CELF3: variants seen among roughly 807,000 people sequenced by gnomAD.
CELF3 encodes CAG repeat domain.
In CELF3, 26 loss-of-function variants were observed where a neutral mutation model predicts 59.6. That is an observed-to-expected ratio of 0.44 (90% CI 0.32 to 0.61). The LOEUF (loss-of-function observed/expected upper bound fraction) is 0.61. Ranked by LOEUF, CELF3 falls within the 20% of genes least tolerant of loss-of-function variation. The probability of loss-of-function intolerance (pLI) is 0.06; values close to 1 mark genes in which losing one functional copy is unlikely to be tolerated. For missense variants in CELF3, 387 were observed against 627.2 expected, an observed-to-expected ratio of 0.62 and a Z score of 4.09; for synonymous variants, 245 against 250.7, an observed-to-expected ratio of 0.98 and a Z score of 0.22.
rs549527035 is a variant in CELF3, at chr1:151,709,870, G to C, written c.229-79C>G. 9.5e-6 allele frequency: 13 copies of C among 1,374,736 alleles called. No individual in the cohort carries two copies. The East Asian group carries it at 1.8e-4, about 19-fold the overall frequency. 85.2% of individuals were successfully genotyped at this position (1,374,736 alleles called of 1,614,324 possible). A position where few individuals can be genotyped will look rare whatever the true frequency, so the allele number is the denominator to read the frequency against. ...GCCCTCCCAGGCCAGGCCCTGCAGA[G>C]AGACTAGAGGGGCAAGCCCCAGGCC... is the stretch of plus-strand genomic sequence containing the variant. On this transcript the variant is annotated intron_variant, in intron 2 of 12. Transcript: ENST00000290583. The surrounding 1 kb of genome is among the most constrained non-coding windows in gnomAD (Gnocchi z 4.9).
Position 151,707,629 on chromosome 1 carries a change from G to T in CELF3, c.650C>A (p.Ala217Asp). 6.2e-7 allele frequency: 1 copy of T among 1,606,542 alleles called. No individual in the cohort carries two copies. Residue 217 changes from alanine (A) to aspartate (D), a missense_variant, in exon 7 of 13, where the codon GCC becomes GAC. Transcript: ENST00000290583. The stretch of plus-strand genomic sequence containing the variant: ...GTAGGCACTGTGAGCCGCTACCAGG[G>T]CCGCCTGCTGCTGCATCAGCTGGGG... ...YTQALMQQQA[A>D]LVAAHSAYLS... is the part of the protein sequence containing the mutation.
intron 1 of CELF3, among the ~76,000 whole-genome samples, chr1:151,714,941 C>T (rs925933892): frequency 1.3e-5 from 2 of 151,840 alleles, no homozygotes; most frequent in Non-Finnish European, 2.9e-5. Flanking sequence ...GAGAGAAGGA[C>T]CATGTGACCG....
Position 151,703,020 on chromosome 1 carries a change from A to T in CELF3, c.*439T>A. 1 of 367,206 alleles carries T rather than the reference A, an allele frequency of 2.7e-6. No homozygotes were observed. Among genetic ancestry groups the T allele is most frequent in the Non-Finnish European group, 5.4e-6 (1 of 184,544 alleles). 22.7% of individuals were successfully genotyped at this position (367,206 alleles called of 1,614,324 possible). ...GAGAGCCAGCTTCCAAGAAACCCCT[A>T]ATGTGGGGAAGAGGCTGGGGTGAGG... On this transcript the variant is annotated 3_prime_UTR_variant, in exon 13 of 13. Transcript: ENST00000290583.
In CELF3 at chr1:151,709,575, G is replaced by C; in HGVS notation, c.277+168C>G. On this transcript the variant is annotated intron_variant, in intron 3 of 12. Coordinates refer to ENST00000290583, the MANE Select transcript of CELF3 (RefSeq NM_007185.7). This position sits in a 1 kb window ranked among gnomAD's most constrained non-coding sequence, Gnocchi z 4.9. ...GGCCTCAGTTTTGCCATCTGTACCCGCCCCAGATCTCACCCGCTCTGGCCA... is the reference window on the plus strand; with the variant it reads ...GGCCTCAGTTTTGCCATCTGTACCCCCCCCAGATCTCACCCGCTCTGGCCA... The C allele has an allele frequency of 1.1e-6, 1 of 919,946 alleles. No individual in the cohort carries two copies. Among genetic ancestry groups the C allele is most frequent in the South Asian group, 1.5e-5 (1 of 67,172 alleles). The allele number at this position is 919,946 out of a possible 1,614,324, so 57.0% of individuals were successfully genotyped here.
intron 12 of CELF3, 121 bp downstream of exon 12, chr1:151,704,910 A>C: frequency 9.0e-7 from 1 of 1,114,344 alleles, no homozygotes; most frequent in East Asian, 2.5e-5. Context: ...GCCCAGGGTC[A>C]AGGGTGGGGT....
At chr1:151,714,400 G>A (rs1036056908) in intron 2 of CELF3, 194 bp downstream of exon 2, 4 of 647,442 alleles carry the variant, frequency 6.2e-6, no homozygotes, top group Middle Eastern at 5.6e-4. Flanking sequence ...GCCACTAATC[G>A]CTGCTTTCCT....
chr1:151,704,879 C>G (rs935561338), intron 12 of CELF3, among the ~76,000 whole-genome samples, 152 bp downstream of exon 12: 1 of 152,070 alleles, frequency 6.6e-6, no homozygotes, highest in African/African-American at 2.4e-5. Flanking sequence ...GAGGGAGCTG[C>G]CCCAGCCCCC....
At chr1:151,711,983 A>T (rs1437510226) in intron 2 of CELF3, 1 of 152,274 alleles carries the variant, frequency 6.6e-6, no homozygotes, top group African/African-American at 2.4e-5. Context: ...GACCACAGCA[A>T]GGACCGTGCT....
chr1:151,713,385 C>T (rs1308852314), intron 2 of CELF3: 1 of 152,268 alleles, frequency 6.6e-6, no homozygotes, highest in Non-Finnish European at 1.5e-5. Flanking sequence ...GGGCTCATGC[C>T]CATCCCCAGG....
intron 5 of CELF3, chr1:151,708,363 A>G (rs1160811878): frequency 2.6e-5 from 5 of 192,870 alleles, no homozygotes; most frequent in Non-Finnish European, 5.4e-5. Flanking sequence ...AAATCTTAAT[A>G]CTAGTCTGAG....
Position 151,709,977 on chromosome 1 carries a change from G to A in CELF3, c.229-186C>T. The stretch of plus-strand genomic sequence containing the variant: ...CCTGAGGGGATCAGAGGCACAGAGA[G>A]AGAGGATGTAGAGGGAGAGGCTCAT... On this transcript the variant is annotated intron_variant, in intron 2 of 12. Transcript: ENST00000290583. The surrounding 1 kb of genome is among the most constrained non-coding windows in gnomAD (Gnocchi z 4.9). 1.6e-6 allele frequency: 1 copy of A among 641,568 alleles called. No individual in the cohort carries two copies. The highest frequency in any genetic ancestry group is 2.8e-6 in the Non-Finnish European group (1 of 355,702). 39.7% of individuals were successfully genotyped at this position (641,568 alleles called of 1,614,324 possible). A position where few individuals can be genotyped will look rare whatever the true frequency, so the allele number is the denominator to read the frequency against.
rs1330425872 is a variant in CELF3, at chr1:151,707,137, A to C, written c.922+8T>G. On this transcript the variant is annotated splice_region_variant and intron_variant, in intron 8 of 12. Transcript: ENST00000290583. ...GCTGGGACGGAGTGGGCAGGCAGAG[A>C]GTCCCACCTGGGTAGGGGTGAACCC... 6.8e-7 allele frequency: 1 copy of C among 1,476,564 alleles called. No individual in the cohort carries two copies. The highest frequency in any genetic ancestry group is 9.0e-7 in the Non-Finnish European group (1 of 1,116,578). 91.5% of individuals were successfully genotyped at this position (1,476,564 alleles called of 1,614,324 possible).
intron 9 of CELF3, 142 bp from the exon 10 acceptor site, chr1:151,706,503 C>A: frequency 8.5e-7 from 1 of 1,174,776 alleles, no homozygotes; most frequent in South Asian, 1.5e-5. Flanking sequence ...TGCCTCAGAC[C>A]CCTGGGTGTG....
At chr1:151,710,490 G>T in intron 2 of CELF3, 1 of 353,418 alleles carries the variant, frequency 2.8e-6, no homozygotes, top group Non-Finnish European at 5.7e-6. Flanking sequence ...TGGTTAACAG[G>T]GTATGCTGGG....
chr1:151,707,577 G>A lies in CELF3; in HGVS notation c.702C>T (p.Ala234=), dbSNP rs772729552. ...AYLSPMATMA[A]VQMQHMAAIN... ...TGGCAGCCATGTGCTGCATCTGCACGGCAGCCATGGTGGCCATGGGGCTGA... is the reference window on the plus strand; with the variant it reads ...TGGCAGCCATGTGCTGCATCTGCACAGCAGCCATGGTGGCCATGGGGCTGA... Residue 234 remains alanine (A), a synonymous_variant, in exon 7 of 13, where the codon GCC becomes GCT. Transcript: ENST00000290583. 27 of 1,609,384 alleles carry A rather than the reference G, an allele frequency of 1.7e-5. No homozygotes were observed. Among genetic ancestry groups the A allele is most frequent in the East Asian group, 4.5e-5 (2 of 44,798 alleles).
chr1:151,708,119 GC>G, intron 5 of CELF3, 184 bp from the exon 6 acceptor site: 1 of 604,782 alleles, frequency 1.7e-6, no homozygotes. Flanking sequence ...GCTAGGATGT[GC>G]AAGAGGCTAG....
chr1:151,713,030 C>T (rs1285335688), intron 2 of CELF3, among the ~76,000 whole-genome samples: 2 of 152,178 alleles, frequency 1.3e-5, no homozygotes, highest in Admixed American at 6.5e-5. Context: ...ACATCTGCTC[C>T]CCACAACTGC....
rs1672066688 is a variant in CELF3 at position 151,701,369 on chromosome 1, C to CA, written c.*2089dup. ...CCTGAGCCTGCCCTAAAGCAGCTCA[C>CA]AGAGAAGAATCTAGGAAGTGGAGGG... On this transcript the variant is annotated 3_prime_UTR_variant, in exon 13 of 13. Coordinates refer to ENST00000290583, the MANE Select transcript of CELF3 (RefSeq NM_007185.7). 6.6e-6 allele frequency among the ~76,000 whole-genome samples: 1 copy of CA among 152,136 alleles called. No individual in the cohort carries two copies. Among genetic ancestry groups the CA allele is most frequent in the African/African-American group, 2.4e-5 (1 of 41,410 alleles).
intron 8 of CELF3, 100 bp from the exon 9 acceptor site, chr1:151,706,834 CA>C: frequency 1.1e-6 from 1 of 922,810 alleles, no homozygotes; most frequent in Non-Finnish European, 1.6e-6. Flanking sequence ...AGGTGGGGAG[CA>C]GAGCTTCTCT....
Sources: allele counts gnomAD v4.1 joint callset (sites outside exome capture counted in the v4.1 genomes callset), GRCh38; gene constraint gnomAD v4.1.1; non-coding constraint Gnocchi (gnomAD v3.1); transcripts MANE v1.5; gene names NCBI Gene and HGNC (gene_info 2026-07-23, HGNC 2026-07-21).